The following SLC4A4 variants were observed in gnomAD, a reference collection of about 807,000 sequenced individuals.
The protein encoded by SLC4A4 is solute carrier family 4 member 4, also known as electrogenic sodium bicarbonate cotransporter 1.
A neutral mutation model predicts 111.5 loss-of-function variants in SLC4A4; 27 were observed. That is an observed-to-expected ratio of 0.24 (90% confidence interval 0.18 to 0.33). The LOEUF is 0.33. SLC4A4 is among the 10% of genes least tolerant of loss of function. The probability of loss-of-function intolerance (pLI) is 1.00; values close to 1 mark genes in which losing one functional copy is unlikely to be tolerated. For synonymous variants in SLC4A4, 443 were observed against 463.4 expected (o/e 0.96, Z 0.57); for missense variants, 909 against 1,315.5 (o/e 0.69, Z 4.78).
At chr4:71,298,399 A>G (rs1262735008) in intron 3 of SLC4A4, among the ~76,000 whole-genome samples, 1 of 152,232 alleles carries the variant, frequency 6.6e-6, no homozygotes, top group East Asian at 1.9e-4. Flanking sequence ...CTTAGTTTCT[A>G]CACAGCCTTG....
At chr4:71,528,748 A>G (rs1400157343) in intron 16 of SLC4A4, among the ~76,000 whole-genome samples, 2 of 152,076 alleles carry the variant, frequency 1.3e-5, no homozygotes, top group Non-Finnish European at 2.9e-5. Context: ...ATTCAGCATA[A>G]TACTATGGAG....
At chr4:71,369,858 T>C (rs2148931310) in intron 6 of SLC4A4, among the ~76,000 whole-genome samples, 1 of 152,242 alleles carries the variant, frequency 6.6e-6, no homozygotes, top group East Asian at 1.9e-4. Context: ...GGGGTTTCCT[T>C]TCTAATGAAG....
intron 6 of SLC4A4, among the ~76,000 whole-genome samples, chr4:71,381,960 C>T (rs750677118): frequency 1.3e-4 from 20 of 151,994 alleles, no homozygotes; most frequent in Non-Finnish European, 2.4e-4. Flanking sequence ...TAGAGACCGT[C>T]GAGGAGGTCG....
At chr4:71,505,324 C>G (rs1304620831) in intron 16 of SLC4A4, among the ~76,000 whole-genome samples, 5 of 151,750 alleles carry the variant, frequency 3.3e-5, no homozygotes, top group African/African-American at 1.2e-4. Context: ...GATATATACC[C>G]AAAGGCTTTT....
chr4:71,179,838 T>G (rs1292752680), intron 2 of SLC4A4, among the ~76,000 whole-genome samples: 4 of 152,080 alleles, frequency 2.6e-5, no homozygotes. Flanking sequence ...CTTCACAGAA[T>G]TGGAAAAACT....
At chr4:71,162,035 T>G (rs986014474) in intron 2 of SLC4A4, among the ~76,000 whole-genome samples, 3 of 152,224 alleles carry the variant, frequency 2.0e-5, no homozygotes, top group Admixed American at 1.3e-4. Context: ...ATTCTAGTGC[T>G]TATTTTCATG....
chr4:71,107,507 C>A (rs550082011), intron 2 of SLC4A4, among the ~76,000 whole-genome samples: 2 of 151,776 alleles, frequency 1.3e-5, no homozygotes, highest in Non-Finnish European at 2.9e-5. Context: ...CCACCATGCC[C>A]GGCTAATTTT....
At chr4:71,333,132 G>A (rs375238696) in intron 3 of SLC4A4, among the ~76,000 whole-genome samples, 9 of 152,338 alleles carry the variant, frequency 5.9e-5, no homozygotes, top group African/African-American at 2.2e-4. Flanking sequence ...AGTCTTTACA[G>A]TCTGGGCTTG....
At chr4:71,074,191 A>T (rs916850358) in intron 1 of SLC4A4, among the ~76,000 whole-genome samples, 6 of 152,194 alleles carry the variant, frequency 3.9e-5, no homozygotes, top group Non-Finnish European at 8.8e-5. Context: ...CTGTTTCTCC[A>T]TAGTGATAAA....
upstream of SLC4A4, among the ~76,000 whole-genome samples, chr4:71,183,839 A>T (rs1578561155): frequency 6.6e-6 from 1 of 152,200 alleles, no homozygotes; most frequent in Non-Finnish European, 1.5e-5. Context: ...GATATTGACA[A>T]ACATCTCTGA....
intron 2 of SLC4A4, among the ~76,000 whole-genome samples, chr4:71,152,397 A>G (rs1047534162): frequency 6.6e-6 from 1 of 152,076 alleles, no homozygotes. Context: ...TCAACATTAC[A>G]TTTGGGGGAT....
chr4:71,540,175 C>G (rs987552620), intron 18 of SLC4A4, among the ~76,000 whole-genome samples: 45 of 152,138 alleles, frequency 3.0e-4, no homozygotes, highest in Non-Finnish European at 7.4e-5. Flanking sequence ...CTTAGTGTCC[C>G]CATAAATGAG....
chr4:71,167,742 T>G (rs1283676647), intron 2 of SLC4A4, among the ~76,000 whole-genome samples: 1 of 152,214 alleles, frequency 6.6e-6, no homozygotes, highest in African/African-American at 2.4e-5. Context: ...TCCCCACTGT[T>G]GGTCTTCAAG....
intron 2 of SLC4A4, among the ~76,000 whole-genome samples, chr4:71,124,060 G>C (rs1560732087): frequency 6.6e-6 from 1 of 152,066 alleles, no homozygotes; most frequent in Non-Finnish European, 1.5e-5. Context: ...TTATTTGGGT[G>C]GTTGTGGCAC....
intron 13 of SLC4A4, among the ~76,000 whole-genome samples, chr4:71,468,498 G>A (rs529371084): frequency 6.6e-6 from 1 of 151,850 alleles, no homozygotes; most frequent in African/African-American, 2.4e-5. Flanking sequence ...ACATAACATA[G>A]TTCCAAGTGA....
rs1375458675 is a variant in SLC4A4 at position 71,570,391 on chromosome 4, A to T, written c.*2640A>T. On this transcript the variant is annotated 3_prime_UTR_variant, in exon 26 of 26. Transcript: ENST00000264485. Reference sequence around the variant, plus strand: ...ATTCTGGGAACCCAGGGAAGTTTTTAAAAATGTCATTACTTTCAAAGGAAC... The same window carrying T: ...ATTCTGGGAACCCAGGGAAGTTTTTTAAAATGTCATTACTTTCAAAGGAAC... 1 of 152,276 alleles carries T rather than the reference A, an allele frequency of 6.6e-6. No individual in the cohort carries two copies. The highest frequency in any genetic ancestry group is 1.5e-5 in the Non-Finnish European group (1 of 67,842). 9.4% of individuals were successfully genotyped at this position (152,276 alleles called of 1,614,324 possible).
Position 71,554,625 on chromosome 4 carries a change from G to A in SLC4A4, c.2695-515G>A, listed in dbSNP as rs72854432. On this transcript the variant is annotated intron_variant, in intron 20 of 25. Coordinates refer to ENST00000264485, the MANE Select transcript of SLC4A4 (RefSeq NM_001098484.3). Reference sequence around the variant, plus strand: ...TCTCATAATATTTGCAAGAAGCGAGGGGATAGTCTTTTGATGTTTATTTTA... The same window carrying A: ...TCTCATAATATTTGCAAGAAGCGAGAGGATAGTCTTTTGATGTTTATTTTA... 3.9e-3 allele frequency among the ~76,000 whole-genome samples: 588 copies of A among 151,742 alleles called. 6 individuals carry two copies. Among genetic ancestry groups the A allele is most frequent in the African/African-American group, 0.014 (565 of 41,446 alleles).
Position 71,296,815 on chromosome 4 carries a change from A to G in SLC4A4, c.253+41416A>G, listed in dbSNP as rs187959846. ...AGTATTCTGTCCTTGTGGATCTGTC[A>G]TTTCACAGACATACCTGTTTGCTTT... On this transcript the variant is annotated intron_variant, in intron 3 of 25. Transcript: ENST00000264485. Among the ~76,000 whole-genome samples the G allele has an allele frequency of 9.6e-4, 146 of 152,266 alleles. 1 individual carries two copies. The highest frequency in any genetic ancestry group is 2.2e-3 in the Admixed American group (34 of 15,288).
chr4:71,466,445 G>A lies in SLC4A4; in HGVS notation c.1499G>A (p.Gly500Asp), dbSNP rs2149098721. The A allele has an allele frequency of 6.2e-7, 1 of 1,613,402 alleles. No individual in the cohort carries two copies. The highest frequency in any genetic ancestry group is 8.5e-7 in the Non-Finnish European group (1 of 1,179,606). ...LLGDATDNMQGVLESFLGTAV... is the reference protein window; with the variant it reads ...LLGDATDNMQDVLESFLGTAV... ...ACATCTATATTTTCTTTATTTTAGGGCGTGTTGGAGAGTTTCCTGGGCACT... is the reference window on the plus strand; with the variant it reads ...ACATCTATATTTTCTTTATTTTAGGACGTGTTGGAGAGTTTCCTGGGCACT... The change falls in exon 13 of 26, where the codon GGC becomes GAC. Residue 500 changes from glycine to aspartate, a missense_variant and splice_region_variant. Gly to Asp is a moderately conservative substitution (Grantham distance 94, BLOSUM62 -1). This residue lies in a region of SLC4A4 where 23 missense variants were observed against 77.7 expected (regional missense o/e 0.30). Coordinates refer to ENST00000264485, the MANE Select transcript of SLC4A4 (RefSeq NM_001098484.3).
Sources: allele counts gnomAD v4.1 joint callset (sites outside exome capture counted in the v4.1 genomes callset), GRCh38; gene constraint gnomAD v4.1.1; regional missense constraint gnomAD v4.1.1; transcripts MANE v1.5; gene names NCBI Gene and HGNC (gene_info 2026-07-23, HGNC 2026-07-21).